Variants in IQCM observed in about 807,000 individuals in gnomAD.
The protein encoded by IQCM is IQ motif containing M.
IQCM carries 45 observed loss-of-function variants against 57.6 expected under a neutral mutation model. That is an observed-to-expected ratio of 0.78 (90% CI 0.62 to 1.00). The LOEUF is 1.00. IQCM is among the 50% of genes least tolerant of loss of function. The probability of loss-of-function intolerance (pLI) is 0.00; values close to 1 mark genes in which losing one functional copy is unlikely to be tolerated. For synonymous variants in IQCM, 148 were observed against 158.9 expected, an observed-to-expected ratio of 0.93 and a Z score of 0.51; for missense variants, 468 against 511.6, an observed-to-expected ratio of 0.91 and a Z score of 0.82.
chr4:149,573,999 T>C (rs1393807576), intron 9 of IQCM, among the ~76,000 whole-genome samples: 5 of 151,916 alleles, frequency 3.3e-5, no homozygotes, highest in Non-Finnish European at 7.4e-5. Flanking sequence ...CTTTAGGTTT[T>C]TGTTCATTTG....
intron 7 of IQCM, among the ~76,000 whole-genome samples, chr4:149,636,968 C>T (rs1757771118): frequency 6.6e-6 from 1 of 150,890 alleles, no homozygotes; most frequent in African/African-American, 2.4e-5. Context: ...AAGGTGAAAC[C>T]CCGCCTCTAC....
chr4:149,717,036 A>G (rs1765063246), intron 5 of IQCM, among the ~76,000 whole-genome samples: 1 of 152,176 alleles, frequency 6.6e-6, no homozygotes, highest in South Asian at 2.1e-4. Flanking sequence ...ACCTCACTCT[A>G]TGTATCTCTT....
intron 13 of IQCM, among the ~76,000 whole-genome samples, chr4:149,355,503 T>C (rs967457119): frequency 6.6e-6 from 1 of 151,616 alleles, no homozygotes; most frequent in African/African-American, 2.4e-5. Flanking sequence ...GTTTGGTTTT[T>C]TGTCCTTGCG....
intron 13 of IQCM, among the ~76,000 whole-genome samples, chr4:149,399,893 G>C (rs1732492177): frequency 6.6e-6 from 1 of 152,020 alleles, no homozygotes; most frequent in African/African-American, 2.4e-5. Context: ...CTTTTTGAGA[G>C]AGTATATGAA....
intron 7 of IQCM, among the ~76,000 whole-genome samples, chr4:149,663,950 A>C (rs556785156): frequency 3.3e-5 from 5 of 152,112 alleles, no homozygotes; most frequent in Non-Finnish European, 5.9e-5. Context: ...CAGCATCCCT[A>C]TAATGCAAAT....
intron 12 of IQCM, among the ~76,000 whole-genome samples, chr4:149,488,444 C>T (rs1298490609): frequency 6.6e-6 from 1 of 152,068 alleles, no homozygotes; most frequent in Non-Finnish European, 1.5e-5. Context: ...TTTGAAACAA[C>T]CAAATTTGAA....
intron 5 of IQCM, among the ~76,000 whole-genome samples, chr4:149,687,014 T>A (rs957061320): frequency 1.3e-5 from 2 of 151,642 alleles, no homozygotes; most frequent in African/African-American, 4.8e-5. Flanking sequence ...TAAGTATTTT[T>A]AAAATACTCA....
At chr4:149,680,425 A>G (rs1762094134) in intron 7 of IQCM, among the ~76,000 whole-genome samples, 1 of 151,348 alleles carries the variant, frequency 6.6e-6, no homozygotes, top group Admixed American at 6.6e-5. Context: ...AACTGTAAAA[A>G]ATAGTATCTA....
chr4:149,760,312 C>T (rs1769383421), intron 2 of IQCM, among the ~76,000 whole-genome samples: 1 of 152,014 alleles, frequency 6.6e-6, no homozygotes, highest in Non-Finnish European at 1.5e-5. Flanking sequence ...CATAAGCTAG[C>T]TCTTCAAGTA....
chr4:149,436,457 G>A (rs1735374986), intron 12 of IQCM, among the ~76,000 whole-genome samples: 1 of 152,018 alleles, frequency 6.6e-6, no homozygotes, highest in African/African-American at 2.4e-5. Context: ...ACATATCGAA[G>A]GTTTGTAGCT....
rs1202089058 is a variant in IQCM at position 149,659,597 on chromosome 4, T to C, written c.565+22521A>G. On this transcript the variant is annotated intron_variant, in intron 7 of 13. Transcript: ENST00000636793. Reference sequence around the variant, plus strand: ...TTCAAACTATACTACAAGGCTACAGTAACCAAAACAGCATGGTACTGGTAC... The same window carrying C: ...TTCAAACTATACTACAAGGCTACAGCAACCAAAACAGCATGGTACTGGTAC... Among the ~76,000 whole-genome samples the C allele has an allele frequency of 2.6e-5, 4 of 152,078 alleles. No homozygotes were observed. In the East Asian group the frequency reaches 7.7e-4, roughly 29 times the overall value.
At chr4:149,381,416 A>G (rs1429254308) in intron 13 of IQCM, among the ~76,000 whole-genome samples, 1 of 152,076 alleles carries the variant, frequency 6.6e-6, no homozygotes, top group Admixed American at 6.6e-5. Flanking sequence ...TTATAATGGC[A>G]TCTCCTCTTT....
At chr4:149,643,259 G>T (rs1758357277) in intron 7 of IQCM, among the ~76,000 whole-genome samples, 1 of 152,136 alleles carries the variant, frequency 6.6e-6, no homozygotes, top group South Asian at 2.1e-4. Flanking sequence ...TACCTACTTT[G>T]TGTCAGGCAT....
intron 12 of IQCM, among the ~76,000 whole-genome samples, chr4:149,544,692 C>T (rs935138499): frequency 1.3e-5 from 2 of 151,964 alleles, no homozygotes; most frequent in Non-Finnish European, 2.9e-5. Context: ...GGCATAAAAA[C>T]GGACAAATAG....
At chr4:149,689,629 G>A (rs1241890250) in intron 5 of IQCM, among the ~76,000 whole-genome samples, 1 of 152,070 alleles carries the variant, frequency 6.6e-6, no homozygotes, top group Admixed American at 6.6e-5. Context: ...ACAGTCAGCA[G>A]AGTAAACAGA....
At chr4:149,395,497 T>C (rs1431431348) in intron 13 of IQCM, among the ~76,000 whole-genome samples, 1 of 152,026 alleles carries the variant, frequency 6.6e-6, no homozygotes, top group Non-Finnish European at 1.5e-5. Context: ...TTAACTGTTT[T>C]ATTGAAGCAT....
intron 2 of IQCM, among the ~76,000 whole-genome samples, chr4:149,794,493 G>A (rs1330249988): frequency 6.6e-6 from 1 of 152,194 alleles, no homozygotes; most frequent in African/African-American, 2.4e-5. Flanking sequence ...GGAAATAGAT[G>A]AGTACAATGG....
chr4:149,427,038 T>C (rs1360206102), intron 13 of IQCM, among the ~76,000 whole-genome samples: 3 of 151,914 alleles, frequency 2.0e-5, no homozygotes, highest in African/African-American at 7.2e-5. Flanking sequence ...GTGGGTTTTA[T>C]TTCAGATACT....
At chr4:149,403,033 A>G (rs1732727399) in intron 13 of IQCM, among the ~76,000 whole-genome samples, 1 of 152,000 alleles carries the variant, frequency 6.6e-6, no homozygotes, top group Admixed American at 6.6e-5. Flanking sequence ...AAAATAATTT[A>G]TCGTAATCCT....
Sources: allele counts gnomAD v4.1 joint callset (sites outside exome capture counted in the v4.1 genomes callset), GRCh38; gene constraint gnomAD v4.1.1; transcripts MANE v1.5; gene names NCBI Gene and HGNC (gene_info 2026-07-23, HGNC 2026-07-21).